UBR1: variants seen among roughly 807,000 people sequenced by gnomAD.
UBR1 encodes ubiquitin protein ligase E3 component n-recognin 1, also known as E3 ubiquitin-protein ligase UBR1.
Under a neutral mutation model 242.1 loss-of-function variants are expected in UBR1, and 102 were observed. The observed-to-expected ratio is 0.42, with a 90% CI of 0.36 to 0.50. The LOEUF is 0.50. UBR1 is among the 20% of genes least tolerant of loss of function. UBR1 has a pLI of 0.01. For missense variants in UBR1, 1,772 were observed against 2,101.8 expected, an observed-to-expected ratio of 0.84 and a Z score of 3.07; for synonymous variants, 675 against 684.8, an observed-to-expected ratio of 0.99 and a Z score of 0.22.
intron 27 of UBR1, among the ~76,000 whole-genome samples, chr15:43,020,175 G>A (rs1054683666): frequency 7.2e-5 from 11 of 152,110 alleles, no homozygotes; most frequent in Admixed American, 3.9e-4. Flanking sequence ...AAGTAGCTAG[G>A]ACTACAGGTG....
rs546626005 is a variant in UBR1, at chr15:43,078,546, A to G, written c.418-3457T>C. Among the ~76,000 whole-genome samples, 6 of 152,348 alleles carry G rather than the reference A, an allele frequency of 3.9e-5. No individual in the cohort carries two copies. In the South Asian group the frequency reaches 1.2e-3, roughly 32 times the overall value. ...TTAAAAGGGGAGGGGCAAAAATGCA[A>G]ATAAGAGCCAAAACCCAATCACAAA... On this transcript the variant is annotated intron_variant, in intron 3 of 46. Transcript: ENST00000290650.
chr15:42,988,640 G>A, intron 35 of UBR1, 179 bp downstream of exon 35: 1 of 792,424 alleles, frequency 1.3e-6, no homozygotes, highest in Non-Finnish European at 2.1e-6. Flanking sequence ...GTTAAAAAGA[G>A]ATCAACATAA....
intron 20 of UBR1, among the ~76,000 whole-genome samples, chr15:43,031,459 A>G (rs892465748): frequency 3.9e-5 from 6 of 152,208 alleles, no homozygotes; most frequent in African/African-American, 1.4e-4. Context: ...TCTTTTACAC[A>G]TTCTTAATTT....
intron 3 of UBR1, among the ~76,000 whole-genome samples, chr15:43,079,837 T>C (rs1474654856): frequency 6.6e-6 from 1 of 152,164 alleles, no homozygotes; most frequent in Non-Finnish European, 1.5e-5. Context: ...AGGTAAAAGA[T>C]GAGATATCAT....
At chr15:43,105,280 C>G (rs1282811407) in intron 1 of UBR1, among the ~76,000 whole-genome samples, 3 of 152,172 alleles carry the variant, frequency 2.0e-5, no homozygotes, top group African/African-American at 7.2e-5. Flanking sequence ...GCTAGTGACT[C>G]AAATTTGTTC....
In UBR1 at chr15:42,966,140, T is replaced by C. The variant is rs1392319395; in HGVS notation, c.4591+13A>G. 10 of 1,613,960 alleles carry C rather than the reference T, an allele frequency of 6.2e-6. No individual in the cohort carries two copies. The highest frequency in any genetic ancestry group is 8.5e-6 in the Non-Finnish European group (10 of 1,180,012). On this transcript the variant is annotated intron_variant, in intron 41 of 46. Transcript: ENST00000290650. ...TCCCATTTTCCACTCCATGATTTCA[T>C]TTTTCTACTTACTGGTATGCAGTTC...
chr15:43,037,807 A>ATC lies in UBR1; in HGVS notation c.1986_1987dup (p.Met663ArgfsTer40). On this transcript the variant is annotated frameshift_variant, in exon 17 of 47. Transcript: ENST00000290650. LOFTEE classifies it high-confidence loss of function. ...AAGAGACAGTCCATTTCTTCGCCACATCTCAGCAACAACCTGGGCAACCAA... is the reference window on the plus strand; with the variant it reads ...AAGAGACAGTCCATTTCTTCGCCACATCTCTCAGCAACAACCTGGGCAACCAA... 6.2e-7 allele frequency: 1 copy of ATC among 1,614,172 alleles called. No homozygotes were observed. The highest frequency in any genetic ancestry group is 8.5e-7 in the Non-Finnish European group (1 of 1,180,016).
chr15:42,948,971 C>G (rs1337953659), intron 46 of UBR1, among the ~76,000 whole-genome samples: 1 of 152,118 alleles, frequency 6.6e-6, no homozygotes, highest in Non-Finnish European at 1.5e-5. Context: ...TATAAAGACA[C>G]ATGCACACGT....
At chr15:42,953,240 G>T (rs1178785950) in intron 44 of UBR1, among the ~76,000 whole-genome samples, 1 of 152,186 alleles carries the variant, frequency 6.6e-6, no homozygotes, top group African/African-American at 2.4e-5. Context: ...GGGGATAATG[G>T]TTATCTTTTA....
chr15:43,004,443 G>A (rs1344765075), intron 30 of UBR1, among the ~76,000 whole-genome samples: 1 of 152,130 alleles, frequency 6.6e-6, no homozygotes, highest in Non-Finnish European at 1.5e-5. Context: ...AGGCTGGACT[G>A]TACTGCCGCC....
intron 30 of UBR1, among the ~76,000 whole-genome samples, chr15:43,004,202 T>A (rs532441347): frequency 6.6e-6 from 1 of 152,374 alleles, no homozygotes; most frequent in Non-Finnish European, 1.5e-5. Context: ...TTATCTTGGT[T>A]ATTTAAGTGA....
chr15:43,043,237 C>G lies in UBR1; in HGVS notation c.1827G>C (p.Leu609=), dbSNP rs1463168061. Residue 609 remains leucine, a synonymous_variant, in exon 15 of 47, where the codon CTG becomes CTC. Transcript: ENST00000290650. ...CACCAGCAAGGGTCCTAGAGAGTGG[C>G]AGATGTATGCTTACAAGATCCTCAG... ...RVSEDLVSIH[L]PLSRTLAGLH... is the part of the protein sequence containing the mutation. The G allele has an allele frequency of 6.2e-7, 1 of 1,613,946 alleles. No homozygotes were observed. The highest frequency in any genetic ancestry group is 8.5e-7 in the Non-Finnish European group (1 of 1,180,022).
In UBR1 at chr15:42,985,455, C is replaced by T. The variant is rs150838074; in HGVS notation, c.3998-513G>A. On this transcript the variant is annotated intron_variant, in intron 35 of 46. Transcript: ENST00000290650. ...GCAACCTCCACCTCCTGGGCTCAAG[C>T]GATTCTCCTGCCTCAGCCTCCTCAG... Among the ~76,000 whole-genome samples, 529 of 152,106 alleles carry T rather than the reference C, an allele frequency of 3.5e-3. 2 individuals are homozygous for T. Among genetic ancestry groups the T allele is most frequent in the African/African-American group, 0.012 (500 of 41,530 alleles).
chr15:43,008,183 C>T (rs1596098272), intron 29 of UBR1, among the ~76,000 whole-genome samples: 1 of 152,246 alleles, frequency 6.6e-6, no homozygotes, highest in African/African-American at 2.4e-5. Flanking sequence ...GCTGGGGCAA[C>T]GTGCTCCATG....
At position 43,043,294 on chromosome 15, in the gene UBR1, T is replaced by C. The variant is rs1567135017; in HGVS notation, c.1770A>G (p.Gly590=). 11 of 1,614,096 alleles carry C rather than the reference T, an allele frequency of 6.8e-6. No homozygotes were observed. The highest frequency in any genetic ancestry group is 9.3e-6 in the Non-Finnish European group (11 of 1,180,004). The stretch of plus-strand genomic sequence containing the variant: ...TGTAGGACTTTGTTTCCAAACTATG[T>C]CCACACGATTGTACTACTGTCTTGC... The part of the protein sequence containing the change: ...SSSKTVVQSC[G]HSLETKSYRV... Residue 590 remains glycine, a synonymous_variant, in exon 15 of 47, where the codon GGA becomes GGG. Transcript: ENST00000290650.
rs775293222 is a variant in UBR1, at chr15:43,059,139, C to T, written c.1039G>A (p.Glu347Lys). Residue 347 changes from glutamate (E) to lysine (K), a missense_variant, in exon 9 of 47, where the codon GAG (glutamate) becomes AAG (lysine). Glu to Lys is a moderately conservative substitution (Grantham distance 56). Coordinates refer to ENST00000290650, the MANE Select transcript of UBR1 (RefSeq NM_174916.3). Reference protein sequence around the residue: ...QACLREEPDSENPCLISRLML... With the variant: ...QACLREEPDSKNPCLISRLML... Reference sequence around the variant, plus strand: ...AACCTGCTTATGAGACAGGGATTCTCCGAGTCAGGTTCTTCTCTAAGGCAT... The same window carrying T: ...AACCTGCTTATGAGACAGGGATTCTTCGAGTCAGGTTCTTCTCTAAGGCAT... 6 of 1,614,132 alleles carry T rather than the reference C, an allele frequency of 3.7e-6. No homozygotes were observed. The South Asian group carries it at 5.5e-5, about 15-fold the overall frequency.
At chr15:42,960,906 A>G (rs1157101456) in intron 42 of UBR1, among the ~76,000 whole-genome samples, 1 of 151,952 alleles carries the variant, frequency 6.6e-6, no homozygotes, top group Non-Finnish European at 1.5e-5. Context: ...AGTAGCTGGC[A>G]CTCGCCACCA....
In UBR1 at chr15:43,036,247, G is replaced by A. The variant is rs1256837340; in HGVS notation, c.2121C>T (p.Phe707=). ...CATACCTCTGAAGTACCAGTAACAAGAACTTATTGGGATCCATTAAAGATG... is the reference window on the plus strand; with the variant it reads ...CATACCTCTGAAGTACCAGTAACAAAAACTTATTGGGATCCATTAAAGATG... ...IGASLMDPNK[F]LLLVLQRYEL... Residue 707 remains phenylalanine (F), a synonymous_variant, in exon 19 of 47, where the codon TTC becomes TTT. Transcript: ENST00000290650. 1.9e-6 allele frequency: 3 copies of A among 1,613,650 alleles called. No individual in the cohort carries two copies. The highest frequency in any genetic ancestry group is 2.2e-5 in the South Asian group (2 of 91,070).
At chr15:43,056,843 T>G (rs1008550625) in intron 10 of UBR1, among the ~76,000 whole-genome samples, 8 of 152,180 alleles carry the variant, frequency 5.3e-5, no homozygotes, top group African/African-American at 1.9e-4. Flanking sequence ...TAACAACTGA[T>G]ATGACCCAGA....
Sources: allele counts gnomAD v4.1 joint callset (sites outside exome capture counted in the v4.1 genomes callset), GRCh38; gene constraint gnomAD v4.1.1; transcripts MANE v1.5; gene names NCBI Gene and HGNC (gene_info 2026-07-23, HGNC 2026-07-21).